The following PPHLN1 variants were observed in gnomAD, a reference collection of about 807,000 sequenced individuals.
PPHLN1 encodes periphilin-1.
Under a neutral mutation model 51.3 loss-of-function variants are expected in PPHLN1, and 29 were observed. That is an observed-to-expected ratio of 0.57 (90% CI 0.42 to 0.77). The LOEUF is 0.77. Ranked by LOEUF, PPHLN1 falls within the 30% of genes least tolerant of loss-of-function variation. The pLI is 0.00. For synonymous variants in PPHLN1, 147 were observed against 147.8 expected (o/e 0.99, Z 0.04); for missense variants, 436 against 438.4 (o/e 0.99, Z 0.05).
At chr12:42,417,952 T>TG (rs1380880945) in intron 9 of PPHLN1, among the ~76,000 whole-genome samples, 1 of 124,212 alleles carries the variant, frequency 8.1e-6, no homozygotes, top group Non-Finnish European at 1.7e-5. Flanking sequence ...TGTTTTTTTT[T>TG]TTTTTGAGAC....
intron 8 of PPHLN1, among the ~76,000 whole-genome samples, chr12:42,394,938 A>G (rs529179799): frequency 1.3e-5 from 2 of 152,238 alleles, no homozygotes; most frequent in South Asian, 4.1e-4. Flanking sequence ...AACTTTCAAA[A>G]AGAATAATTT....
intron 4 of PPHLN1, chr12:42,361,561 G>A (rs566818417): frequency 6.6e-6 from 1 of 152,286 alleles, no homozygotes; most frequent in African/African-American, 2.4e-5. Flanking sequence ...GTAATTCATT[G>A]CTGTCACTAT....
At chr12:42,444,068 A>G (rs920072724), downstream of PPHLN1, 2 of 152,156 alleles carry the variant, frequency 1.3e-5, no homozygotes, top group African/African-American at 4.8e-5. Flanking sequence ...TAGCAGCTCC[A>G]ATGGAGCCAG....
intron 7 of PPHLN1, among the ~76,000 whole-genome samples, chr12:42,393,054 A>G (rs1185702009): frequency 6.6e-6 from 1 of 152,236 alleles, no homozygotes; most frequent in Non-Finnish European, 1.5e-5. Context: ...GTGCAGTTAG[A>G]TAAAGGAACT....
chr12:42,365,617 A>G (rs991883951), intron 4 of PPHLN1, among the ~76,000 whole-genome samples: 33 of 152,256 alleles, frequency 2.2e-4, no homozygotes, highest in Non-Finnish European at 4.6e-4. Context: ...AGTAATCTGC[A>G]ATCACAGATG....
intron 4 of PPHLN1, among the ~76,000 whole-genome samples, chr12:42,358,896 A>G (rs1023621367): frequency 5.9e-5 from 9 of 152,100 alleles, no homozygotes; most frequent in African/African-American, 1.9e-4. Context: ...GTGGGTATAT[A>G]TATGTATTTT....
intron 9 of PPHLN1, among the ~76,000 whole-genome samples, chr12:42,416,313 G>C (rs1458715012): frequency 2.6e-5 from 4 of 152,152 alleles, no homozygotes; most frequent in Non-Finnish European, 5.9e-5. Context: ...CTTGAATAAT[G>C]ATCACAGAAA....
At chr12:42,430,842 A>G (rs938658798) in intron 9 of PPHLN1, among the ~76,000 whole-genome samples, 1 of 152,134 alleles carries the variant, frequency 6.6e-6, no homozygotes, top group Non-Finnish European at 1.5e-5. Context: ...TTTATTTACT[A>G]TCTGCATACA....
Position 42,389,675 on chromosome 12 carries a change from A to G in PPHLN1, c.648+2140A>G, listed in dbSNP as rs149988313. 5.3e-3 allele frequency among the ~76,000 whole-genome samples: 813 copies of G among 152,356 alleles called. 6 individuals are homozygous for G. Among genetic ancestry groups the G allele is most frequent in the African/African-American group, 0.018 (762 of 41,580 alleles). On this transcript the variant is annotated intron_variant, in intron 7 of 9. Coordinates refer to ENST00000358314, the MANE Select transcript of PPHLN1 (RefSeq NM_201439.2). Reference sequence around the variant, plus strand: ...TCTCACTGAATTTTTAACACAGTCTATGCCAAATTTAGTACTTATTGCTGC... The same window carrying G: ...TCTCACTGAATTTTTAACACAGTCTGTGCCAAATTTAGTACTTATTGCTGC...
At chr12:42,383,983 CAAAAAAAAAA>C (rs61016692) in intron 5 of PPHLN1, among the ~76,000 whole-genome samples, 10 of 51,642 alleles carry the variant, frequency 1.9e-4, no homozygotes, top group Middle Eastern at 0.016. Flanking sequence ...GACTGTGTCT[CAAAAAAAAAA>C]AAAAAAAAAA....
downstream of PPHLN1, chr12:42,443,572 C>T (rs1333068293): frequency 6.6e-6 from 1 of 152,166 alleles, no homozygotes; most frequent in Non-Finnish European, 1.5e-5. Flanking sequence ...AGTAGTAGAA[C>T]ACTGGCCTTT....
intron 9 of PPHLN1, among the ~76,000 whole-genome samples, chr12:42,404,588 C>G (rs192581197): frequency 8.8e-4 from 132 of 150,008 alleles, no homozygotes; most frequent in Non-Finnish European, 1.4e-3. Context: ...ATAGGTTTAC[C>G]TCTGAAAGGT....
chr12:42,389,515 A>C (rs1398111438), intron 7 of PPHLN1, among the ~76,000 whole-genome samples: 1 of 152,106 alleles, frequency 6.6e-6, no homozygotes, highest in Admixed American at 6.5e-5. Flanking sequence ...AGCTGAGATC[A>C]CGCCACTGCA....
intron 9 of PPHLN1, among the ~76,000 whole-genome samples, chr12:42,418,265 T>A (rs2080647049): frequency 6.7e-6 from 1 of 149,614 alleles, no homozygotes; most frequent in Non-Finnish European, 1.5e-5. Flanking sequence ...GGGAACGTAT[T>A]TAAAATTTCC....
intron 9 of PPHLN1, among the ~76,000 whole-genome samples, chr12:42,405,638 A>G (rs2079222021): frequency 6.6e-6 from 1 of 151,382 alleles, no homozygotes; most frequent in Non-Finnish European, 1.5e-5. Context: ...CAGACAATGC[A>G]ATATATGTTA....
At chr12:42,395,323 T>G (rs1165346434) in intron 8 of PPHLN1, among the ~76,000 whole-genome samples, 1 of 152,118 alleles carries the variant, frequency 6.6e-6, no homozygotes, top group Non-Finnish European at 1.5e-5. Context: ...CTGATAACCA[T>G]AATATGTTTA....
At position 42,332,518 on chromosome 12, in the gene PPHLN1, A is replaced by G. The variant is rs909830756; in HGVS notation, c.-20-3365A>G. On this transcript the variant is annotated intron_variant, in intron 1 of 9. Coordinates refer to ENST00000358314, the MANE Select transcript of PPHLN1 (RefSeq NM_201439.2). ...GGTGGCCTCTGGTGGCCAAAATGATATCTTCTATTTTCAAGAGTGTGTTTG... is the reference window on the plus strand; with the variant it reads ...GGTGGCCTCTGGTGGCCAAAATGATGTCTTCTATTTTCAAGAGTGTGTTTG... 13 of 558,190 alleles carry G rather than the reference A, an allele frequency of 2.3e-5. No homozygotes were observed. In the African/African-American group the frequency reaches 2.3e-4, roughly 10 times the overall value. 34.6% of individuals were successfully genotyped at this position (558,190 alleles called of 1,614,324 possible).
rs574528196 is a variant in PPHLN1, at chr12:42,432,404, A to G, written c.910-8911A>G. ...CTCTAAAAGAACTTGCACATTTCCA[A>G]TGGTTTCTTTAGTGCCAACAAATAC... is the stretch of plus-strand genomic sequence containing the variant. On this transcript the variant is annotated intron_variant, in intron 9 of 9. Transcript: ENST00000358314. The G allele has an allele frequency of 1.3e-4, 96 of 753,914 alleles. 1 individual carries two copies. The highest frequency in any genetic ancestry group is 5.3e-4 in the Middle Eastern group (2 of 3,796). 46.7% of individuals were successfully genotyped at this position (753,914 alleles called of 1,614,324 possible).
downstream of PPHLN1, chr12:42,445,895 TA>T: frequency 7.0e-7 from 1 of 1,430,702 alleles, no homozygotes; most frequent in African/African-American, 1.4e-5. Context: ...TGGAAAGATG[TA>T]AATAGTAATA....
Sources: allele counts gnomAD v4.1 joint callset (sites outside exome capture counted in the v4.1 genomes callset), GRCh38; gene constraint gnomAD v4.1.1; transcripts MANE v1.5; gene names NCBI Gene and HGNC (gene_info 2026-07-23, HGNC 2026-07-21).